AK5: variants seen among roughly 807,000 people sequenced by gnomAD.
AK5 encodes the protein adenylate kinase 5.
A neutral mutation model predicts 69.5 loss-of-function variants in AK5; 27 were observed. That is an observed-to-expected ratio of 0.39 (90% CI 0.29 to 0.54). AK5 has a LOEUF of 0.54. Among genes scored for constraint, AK5 ranks in the 20% least tolerant of loss-of-function variants. AK5 has a pLI of 0.71. For synonymous variants in AK5, 260 were observed against 244.4 expected, an observed-to-expected ratio of 1.06 and a Z score of -0.60; for missense variants, 531 against 700.4, an observed-to-expected ratio of 0.76 and a Z score of 2.73.
At chr1:77,462,860 C>T (rs1653925490) in intron 8 of AK5, among the ~76,000 whole-genome samples, 1 of 152,148 alleles carries the variant, frequency 6.6e-6, no homozygotes, top group South Asian at 2.1e-4. Flanking sequence ...TTGAACCCTG[C>T]TTTACTGGAG....
intron 10 of AK5, among the ~76,000 whole-genome samples, chr1:77,509,613 G>T (rs1301994377): frequency 6.6e-6 from 1 of 152,164 alleles, no homozygotes. Context: ...TAGGGAGAAA[G>T]AAATATTTCA....
chr1:77,495,400 T>C (rs993933157), intron 10 of AK5, among the ~76,000 whole-genome samples: 1 of 152,228 alleles, frequency 6.6e-6, no homozygotes, highest in African/African-American at 2.4e-5. Flanking sequence ...CCTATGTATC[T>C]AGCCATTGGT....
At chr1:77,491,393 G>A (rs1462714455) in intron 10 of AK5, among the ~76,000 whole-genome samples, 6 of 130,076 alleles carry the variant, frequency 4.6e-5, no homozygotes, top group African/African-American at 1.2e-4. Context: ...TGCAACCTCC[G>A]CCTTCTGTTT....
chr1:77,307,896 C>T (rs986247060), intron 5 of AK5, among the ~76,000 whole-genome samples: 2 of 152,144 alleles, frequency 1.3e-5, no homozygotes, highest in Admixed American at 6.5e-5. Flanking sequence ...ACCTGGTTTT[C>T]GGTTTTCATG....
intron 8 of AK5, among the ~76,000 whole-genome samples, chr1:77,479,649 A>ACT (rs142595077): frequency 1.1e-4 from 16 of 150,532 alleles, no homozygotes; most frequent in South Asian, 2.1e-4. Flanking sequence ...CTATATTTAT[A>ACT]CTCTCTCTCT....
chr1:77,510,515 TA>T (rs758847233), intron 10 of AK5, among the ~76,000 whole-genome samples: 2 of 150,436 alleles, frequency 1.3e-5, no homozygotes, highest in African/African-American at 4.9e-5. Context: ...TTTCCGCTGC[TA>T]AAAAAAAGAA....
intron 8 of AK5, among the ~76,000 whole-genome samples, chr1:77,460,685 C>A (rs919694401): frequency 6.6e-6 from 1 of 152,012 alleles, no homozygotes; most frequent in African/African-American, 2.4e-5. Context: ...AAGCCAGGCA[C>A]AGAAAGACAA....
intron 8 of AK5, among the ~76,000 whole-genome samples, chr1:77,477,003 A>AGTGTGT (rs10625085): frequency 0.22 from 32,977 of 146,864 alleles, 4,076 homozygotes; most frequent in South Asian, 0.36. Context: ...TGTTCTTTTT[A>AGTGTGT]GTGTGTGTGT....
At chr1:77,440,158 G>A (rs1652234461) in intron 8 of AK5, among the ~76,000 whole-genome samples, 1 of 151,882 alleles carries the variant, frequency 6.6e-6, no homozygotes, top group Admixed American at 6.6e-5. Context: ...TTCTTGTGAA[G>A]CCAGTCTAGT....
intron 12 of AK5, among the ~76,000 whole-genome samples, chr1:77,533,508 CCAAAAAAAA>C (rs1557659306): frequency 4.3e-5 from 2 of 46,076 alleles, no homozygotes; most frequent in Admixed American, 3.6e-4. Context: ...GACTCTGTCA[CCAAAAAAAA>C]AAAAAAAAAA....
intron 5 of AK5, among the ~76,000 whole-genome samples, chr1:77,326,676 G>C (rs567224870): frequency 1.3e-5 from 2 of 152,176 alleles, no homozygotes; most frequent in African/African-American, 4.8e-5. Context: ...TTGAAAATGT[G>C]CTTCTTCCTT....
At chr1:77,542,534 C>T (rs1005990049) in intron 13 of AK5, among the ~76,000 whole-genome samples, 5 of 152,136 alleles carry the variant, frequency 3.3e-5, no homozygotes, top group Non-Finnish European at 7.4e-5. Flanking sequence ...AAGGAATACC[C>T]AGAGAGAAGG....
At chr1:77,493,253 G>A (rs1656102204) in intron 10 of AK5, among the ~76,000 whole-genome samples, 1 of 152,186 alleles carries the variant, frequency 6.6e-6, no homozygotes, top group South Asian at 2.1e-4. Flanking sequence ...GAACAAAAAG[G>A]CCGAGGAAAG....
intron 6 of AK5, among the ~76,000 whole-genome samples, chr1:77,376,451 C>CAAAA (rs762576175): frequency 2.4e-5 from 1 of 41,036 alleles, no homozygotes; most frequent in Non-Finnish European, 4.7e-5. Context: ...AAAAAAAAAA[C>CAAAA]AAAAAAAAAA....
At chr1:77,306,563 T>G (rs562555978) in intron 5 of AK5, among the ~76,000 whole-genome samples, 5 of 151,752 alleles carry the variant, frequency 3.3e-5, no homozygotes, top group Non-Finnish European at 5.9e-5. Context: ...AGTTTTCTTT[T>G]TTTTGATACG....
rs771026569 is a variant in AK5 at position 77,425,092 on chromosome 1, G to A, written c.1059+7377G>A. On this transcript the variant is annotated intron_variant, in intron 8 of 13. Coordinates refer to ENST00000354567, the MANE Select transcript of AK5 (RefSeq NM_174858.3). The stretch of plus-strand genomic sequence containing the variant: ...TACTTTCTTTTCAGAAACTTTGCAT[G>A]CAGGAAGAAAATGGAGTAAAATATT... 2.2e-4 allele frequency among the ~76,000 whole-genome samples: 34 copies of A among 152,284 alleles called. 1 individual carries two copies. Among genetic ancestry groups the A allele is most frequent in the Middle Eastern group, 6.8e-3 (2 of 294 alleles).
At chr1:77,292,239 T>C (rs17100204) in intron 2 of AK5, among the ~76,000 whole-genome samples, 11,205 of 152,300 alleles carry the variant, frequency 0.074, 516 homozygotes, top group East Asian at 0.2. Flanking sequence ...CTGATTAAAT[T>C]TCAAGGCAGA....
intron 8 of AK5, among the ~76,000 whole-genome samples, chr1:77,481,666 CA>C (rs1250739949): frequency 6.6e-6 from 1 of 152,222 alleles, no homozygotes; most frequent in African/African-American, 2.4e-5. Flanking sequence ...GAATTAGAGG[CA>C]AGAGGCCAGC....
intron 10 of AK5, among the ~76,000 whole-genome samples, chr1:77,499,578 TG>T (rs1336332576): frequency 1.3e-5 from 2 of 152,046 alleles, no homozygotes; most frequent in African/African-American, 4.8e-5. Context: ...GGAAAGCTGG[TG>T]GGGAAGAGCC....
Sources: gnomAD v4.1 joint callset for allele counts (sites outside exome capture counted in the v4.1 genomes callset) on GRCh38, gnomAD v4.1.1 for gene constraint, MANE v1.5 for transcripts, NCBI Gene and HGNC (gene_info 2026-07-23, HGNC 2026-07-21) for gene names.